NALCN: variants seen among roughly 807,000 people sequenced by gnomAD.
The protein encoded by NALCN is sodium leak channel, non-selective, also known as sodium leak channel NALCN.
NALCN carries 111 observed loss-of-function variants against 225.3 expected under a neutral mutation model. That is an observed-to-expected ratio of 0.49 (90% CI 0.42 to 0.58). The LOEUF (loss-of-function observed/expected upper bound fraction) is 0.58, where lower values mean the gene tolerates loss of function less well. Ranked by LOEUF, NALCN falls within the 20% of genes least tolerant of loss-of-function variation. The pLI, the probability that NALCN is intolerant of heterozygous loss-of-function variation, is 0.00. For synonymous variants in NALCN, 764 were observed against 769.0 expected, an observed-to-expected ratio of 0.99 and a Z score of 0.11; for missense variants, 1,378 against 2,202.4, an observed-to-expected ratio of 0.63 and a Z score of 7.49.
chr13:101,405,563 C>A (rs1056600250), intron 1 of NALCN, among the ~76,000 whole-genome samples: 3 of 152,022 alleles, frequency 2.0e-5, no homozygotes, highest in Non-Finnish European at 2.9e-5. Flanking sequence ...GAGCCCAGAT[C>A]ATCTGTGTCC....
In NALCN at chr13:101,207,818, G is replaced by A. The variant is rs530965930; in HGVS notation, c.1627-15764C>T. ...CAGCAACCTGCTTGGGTCCCCTTCCGTGCTGTGGAAGCTTTGTTCTTTTGC... is the reference window on the plus strand; with the variant it reads ...CAGCAACCTGCTTGGGTCCCCTTCCATGCTGTGGAAGCTTTGTTCTTTTGC... On this transcript the variant is annotated intron_variant, in intron 13 of 43. Coordinates refer to ENST00000251127, the MANE Select transcript of NALCN (RefSeq NM_052867.4). Among the ~76,000 whole-genome samples the A allele has an allele frequency of 2.6e-4, 39 of 152,294 alleles. No individual in the cohort carries two copies. The South Asian group carries it at 6.4e-3, about 25-fold the overall frequency.
intron 3 of NALCN, among the ~76,000 whole-genome samples, chr13:101,383,776 T>C (rs374640893): frequency 1.3e-5 from 2 of 152,370 alleles, no homozygotes; most frequent in South Asian, 2.1e-4. Context: ...AGATGACTTA[T>C]GGATACTTCC....
At chr13:101,392,661 T>G (rs1044280726) in intron 3 of NALCN, among the ~76,000 whole-genome samples, 71 of 152,294 alleles carry the variant, frequency 4.7e-4, no homozygotes, top group African/African-American at 1.6e-3. Flanking sequence ...GTCAATTCAT[T>G]TATTTTACTT....
At chr13:101,249,878 G>C (rs2042011253) in intron 11 of NALCN, among the ~76,000 whole-genome samples, 2 of 151,940 alleles carry the variant, frequency 1.3e-5, no homozygotes, top group South Asian at 4.2e-4. Flanking sequence ...CATTTTATTA[G>C]AGACCCACAC....
chr13:101,386,378 C>CCA, intron 3 of NALCN, among the ~76,000 whole-genome samples: 1 of 151,216 alleles, frequency 6.6e-6, no homozygotes, highest in African/African-American at 2.4e-5. Flanking sequence ...ACAGAGTGAA[C>CCA]CAGGTTTTCT....
At chr13:101,216,661 C>T (rs1566443936) in intron 13 of NALCN, among the ~76,000 whole-genome samples, 1 of 152,098 alleles carries the variant, frequency 6.6e-6, no homozygotes, top group Non-Finnish European at 1.5e-5. Context: ...ATGTCACACA[C>T]TCTCACTACA....
intron 6 of NALCN, among the ~76,000 whole-genome samples, chr13:101,361,698 T>C (rs1334260638): frequency 6.6e-6 from 1 of 152,176 alleles, no homozygotes; most frequent in South Asian, 2.1e-4. Flanking sequence ...ACATAACTTA[T>C]CGGGTTGTTA....
At chr13:101,122,641 A>G (rs2036033379) in intron 18 of NALCN, among the ~76,000 whole-genome samples, 1 of 152,248 alleles carries the variant, frequency 6.6e-6, no homozygotes, top group Non-Finnish European at 1.5e-5. Flanking sequence ...GTGCTTGAAA[A>G]TAATTTTAAG....
chr13:101,317,611 T>A (rs2044598011), intron 7 of NALCN, among the ~76,000 whole-genome samples: 1 of 152,194 alleles, frequency 6.6e-6, no homozygotes. Flanking sequence ...CCAGATTTCC[T>A]CCATATAACC....
At chr13:101,373,970 A>C (rs2046613027) in intron 6 of NALCN, among the ~76,000 whole-genome samples, 1 of 152,156 alleles carries the variant, frequency 6.6e-6, no homozygotes, top group Non-Finnish European at 1.5e-5. Flanking sequence ...AAAGTGGTTA[A>C]AGTAGAGACA....
chr13:101,268,996 T>C (rs1331196084), intron 10 of NALCN, among the ~76,000 whole-genome samples: 1 of 152,180 alleles, frequency 6.6e-6, no homozygotes, highest in East Asian at 1.9e-4. Flanking sequence ...AACTAACCTA[T>C]AATTTATGGA....
rs1348645314 is a variant in NALCN at position 101,065,284 on chromosome 13, C to A, written c.4604+120G>T. On this transcript the variant is annotated intron_variant, in intron 40 of 43. Coordinates refer to ENST00000251127, the MANE Select transcript of NALCN (RefSeq NM_052867.4). ...TGGGACATGTGACCCCACTTCACGACCACAGCAGATGTGGCATTTTGGGTT... is the reference window on the plus strand; with the variant it reads ...TGGGACATGTGACCCCACTTCACGAACACAGCAGATGTGGCATTTTGGGTT... 11 of 1,079,482 alleles carry A rather than the reference C, an allele frequency of 1.0e-5. No individual in the cohort carries two copies. The African/African-American group carries it at 1.6e-4, about 15-fold the overall frequency. The allele number at this position is 1,079,482 out of a possible 1,614,324, so 66.9% of individuals were successfully genotyped here. A position where few individuals can be genotyped will look rare whatever the true frequency, so the allele number is the denominator to read the frequency against.
At chr13:101,159,416 C>G (rs931930228) in intron 15 of NALCN, among the ~76,000 whole-genome samples, 1 of 152,306 alleles carries the variant, frequency 6.6e-6, no homozygotes, top group Non-Finnish European at 1.5e-5. Context: ...CAGTCGCCCC[C>G]TCCGGGTGGT....
chr13:101,416,005 T>C (rs1282051876), intron 1 of NALCN, among the ~76,000 whole-genome samples: 1 of 151,906 alleles, frequency 6.6e-6, no homozygotes, highest in Non-Finnish European at 1.5e-5. Flanking sequence ...CCCAGGGGCA[T>C]CCCGCGGCAG....
intron 3 of NALCN, among the ~76,000 whole-genome samples, chr13:101,392,917 T>C (rs2047184954): frequency 6.6e-6 from 1 of 152,084 alleles, no homozygotes; most frequent in Admixed American, 6.6e-5. Flanking sequence ...AATAACAAAA[T>C]GATTAAATAA....
intron 10 of NALCN, among the ~76,000 whole-genome samples, chr13:101,277,373 G>T (rs1370970488): frequency 1.3e-5 from 2 of 152,040 alleles, no homozygotes; most frequent in Non-Finnish European, 2.9e-5. Context: ...ATTTTAAAAT[G>T]TTAAAAACAT....
chr13:101,150,268 G>A (rs1221685029), intron 15 of NALCN, among the ~76,000 whole-genome samples: 1 of 152,142 alleles, frequency 6.6e-6, no homozygotes, highest in Admixed American at 6.5e-5. Context: ...GAGCGGGAGG[G>A]AGTATGGAAA....
chr13:101,116,550 T>G (rs1195986906), intron 18 of NALCN: 1 of 516,176 alleles, frequency 1.9e-6, no homozygotes, highest in African/African-American at 1.9e-5. Flanking sequence ...ATGTCTTCTT[T>G]CTTAATGTCC....
chr13:101,177,490 C>T (rs1227131897), intron 14 of NALCN, among the ~76,000 whole-genome samples: 1 of 149,146 alleles, frequency 6.7e-6, no homozygotes, highest in African/African-American at 2.5e-5. Context: ...GAAGGAGGTA[C>T]TTTAGAAATA....
Sources: gnomAD v4.1 joint callset for allele counts (sites outside exome capture counted in the v4.1 genomes callset) on GRCh38, gnomAD v4.1.1 for gene constraint, MANE v1.5 for transcripts, NCBI Gene and HGNC (gene_info 2026-07-23, HGNC 2026-07-21) for gene names.